S100B: variants seen among roughly 807,000 people sequenced by gnomAD.
S100B encodes protein S100-B.
A neutral mutation model predicts 7.7 loss-of-function variants in S100B; 6 were observed. That is an observed-to-expected ratio of 0.78 (90% CI 0.43 to 1.54). The LOEUF is 1.54. Among genes scored for constraint, S100B ranks in the 40% most tolerant of loss-of-function variants. The pLI, the probability that S100B is intolerant of heterozygous loss-of-function variation, is 0.01. For synonymous variants in S100B, 36 were observed against 40.4 expected, an observed-to-expected ratio of 0.89 and a Z score of 0.41; for missense variants, 99 against 111.8, an observed-to-expected ratio of 0.89 and a Z score of 0.52.
chr21:46,603,392 A>AGGG (rs1555923741), intron 1 of S100B, among the ~76,000 whole-genome samples: 3 of 38,230 alleles, frequency 7.8e-5, no homozygotes, highest in African/African-American at 1.0e-4. Context: ...GGACGGCGGG[A>AGGG]GGGGGTGGGG....
chr21:46,599,156 G>A lies in S100B; in HGVS notation c.*207C>T. ...CCTGGGGCCAGTCAGCTTACACACA[G>A]GCCTAATATAGCAGAAAGAATGATG... On this transcript the variant is annotated 3_prime_UTR_variant, in exon 3 of 3. Coordinates refer to ENST00000291700, the MANE Select transcript of S100B (RefSeq NM_006272.3). 1 of 588,696 alleles carries A rather than the reference G, an allele frequency of 1.7e-6. No homozygotes were observed. The allele number at this position is 588,696 out of a possible 1,614,324, so 36.5% of individuals were successfully genotyped here. A position where few individuals can be genotyped will look rare whatever the true frequency, so the allele number is the denominator to read the frequency against.
At chr21:46,604,540 T>C (rs1229786604) in intron 1 of S100B, among the ~76,000 whole-genome samples, 1 of 152,138 alleles carries the variant, frequency 6.6e-6, no homozygotes, top group Non-Finnish European at 1.5e-5. Context: ...CACTTCAAAC[T>C]GAGGGAAACT....
chr21:46,603,392 A>AGGGGTGGGGGGAGGGGGGGGTGGGGGG (rs1555923730), intron 1 of S100B, among the ~76,000 whole-genome samples: 1 of 38,206 alleles, frequency 2.6e-5, no homozygotes, highest in Non-Finnish European at 4.9e-5. Context: ...GGACGGCGGG[A>AGGGGTGGGGGGAGGGGGGGGTGGGGGG]GGGGGTGGGG....
rs370634505 is a variant in S100B at position 46,599,348 on chromosome 21, G to A, written c.*15C>T. ...ACCGTCTCTGTTACAGGAAAGGTTT[G>A]GCTGCTTTCTAATCTCACTCATGTT... On this transcript the variant is annotated 3_prime_UTR_variant, in exon 3 of 3. Transcript: ENST00000291700. 163 of 1,612,258 alleles carry A rather than the reference G, an allele frequency of 1.0e-4. No homozygotes were observed. The highest frequency in any genetic ancestry group is 1.4e-4 in the Non-Finnish European group (161 of 1,179,122).
intron 1 of S100B, chr21:46,602,974 A>G (rs2839357): frequency 0.098 from 14,938 of 152,430 alleles, 951 homozygotes; most frequent in East Asian, 0.33. Flanking sequence ...TATCCTATGC[A>G]TATAGCAATA....
At position 46,602,406 on chromosome 21, in the gene S100B, G is replaced by C; in HGVS notation, c.10C>G (p.Leu4Val). 1 of 1,613,516 alleles carries C rather than the reference G, an allele frequency of 6.2e-7. No homozygotes were observed. The highest frequency in any genetic ancestry group is 8.5e-7 in the Non-Finnish European group (1 of 1,179,832). Residue 4 changes from leucine to valine, a missense_variant, in exon 2 of 3, where the codon CTG (leucine) becomes GTG (valine). Leu to Val is a conservative substitution (Grantham distance 32, BLOSUM62 1). Coordinates refer to ENST00000291700, the MANE Select transcript of S100B (RefSeq NM_006272.3). MSE[L>V]EKAMVALIDV... is the part of the protein sequence containing the mutation. Reference sequence around the variant, plus strand: ...ATGAGGGCCACCATGGCCTTCTCCAGCTCAGACATCCTAGGGGCTCGCAAA... The same window carrying C: ...ATGAGGGCCACCATGGCCTTCTCCACCTCAGACATCCTAGGGGCTCGCAAA...
chr21:46,600,234 G>C, intron 2 of S100B: 1 of 320,138 alleles, frequency 3.1e-6, no homozygotes, highest in East Asian at 1.2e-4. Flanking sequence ...ATGTACAACA[G>C]CTGCCTTGGC....
intron 2 of S100B, chr21:46,600,399 T>C (rs776264173): frequency 4.5e-6 from 2 of 441,512 alleles, no homozygotes; most frequent in Non-Finnish European, 9.1e-6. Context: ...ATAAAACAAT[T>C]AGCTGGGCAT....
At chr21:46,603,395 GGGT>G (rs1569137671) in intron 1 of S100B, among the ~76,000 whole-genome samples, 6 of 140,150 alleles carry the variant, frequency 4.3e-5, no homozygotes, top group Non-Finnish European at 9.4e-5. Context: ...CGGCGGGAGG[GGGT>G]GGGGGCAGGA....
intron 2 of S100B, among the ~76,000 whole-genome samples, chr21:46,601,969 A>G (rs1569137346): frequency 6.6e-6 from 1 of 152,240 alleles, no homozygotes. Context: ...TATTTTTAAC[A>G]GTTTCCTTTT....
At chr21:46,602,179 A>G in intron 2 of S100B, 99 bp downstream of exon 2, 1 of 1,162,510 alleles carries the variant, frequency 8.6e-7, no homozygotes, top group Non-Finnish European at 1.2e-6. Flanking sequence ...TGGAAGGGAA[A>G]TGAAATCACC....
intron 2 of S100B, among the ~76,000 whole-genome samples, chr21:46,601,167 G>A (rs2300404): frequency 0.27 from 40,792 of 152,136 alleles, 6,178 homozygotes; most frequent in Middle Eastern, 0.35. Context: ...TGGAGCCAGG[G>A]CTTGCCGTCT....
At chr21:46,600,063 G>A (rs2061037241) in intron 2 of S100B, among the ~76,000 whole-genome samples, 1 of 152,216 alleles carries the variant, frequency 6.6e-6, no homozygotes, top group Admixed American at 6.5e-5. Flanking sequence ...CAAATGAATG[G>A]TGTGGCTGTT....
At chr21:46,600,217 A>C in intron 2 of S100B, 1 of 304,668 alleles carries the variant, frequency 3.3e-6, no homozygotes, top group South Asian at 2.5e-5. Context: ...TGAAGAAGTC[A>C]AGTGTAATGT....
Position 46,599,347 on chromosome 21 carries a change from T to G in S100B, c.*16A>C, listed in dbSNP as rs773432934. ...GACCGTCTCTGTTACAGGAAAGGTT[T>G]GGCTGCTTTCTAATCTCACTCATGT... On this transcript the variant is annotated 3_prime_UTR_variant, in exon 3 of 3. Coordinates refer to ENST00000291700, the MANE Select transcript of S100B (RefSeq NM_006272.3). The G allele has an allele frequency of 1.9e-6, 3 of 1,612,534 alleles. No individual in the cohort carries two copies. The highest frequency in any genetic ancestry group is 2.5e-6 in the Non-Finnish European group (3 of 1,179,314).
intron 1 of S100B, among the ~76,000 whole-genome samples, chr21:46,603,405 A>AGGGGGGGGGCGGGGGGGGG (rs1555923766): frequency 9.4e-6 from 1 of 106,136 alleles, no homozygotes; most frequent in Non-Finnish European, 2.0e-5. Context: ...GGGTGGGGGC[A>AGGGGGGGGGCGGGGGGGGG]GGAATAGGTG....
chr21:46,600,739 T>G (rs930633207), intron 2 of S100B, among the ~76,000 whole-genome samples: 4 of 152,188 alleles, frequency 2.6e-5, no homozygotes, highest in African/African-American at 9.7e-5. Flanking sequence ...CATGAATTAT[T>G]TATCATTTAC....
intron 2 of S100B, among the ~76,000 whole-genome samples, chr21:46,599,781 A>G (rs970753471): frequency 4.3e-4 from 23 of 52,942 alleles, no homozygotes; most frequent in African/African-American, 9.1e-4. Context: ...AAAATACCTG[A>G]AAAAAAAAAA....
intron 1 of S100B, among the ~76,000 whole-genome samples, chr21:46,604,374 G>A (rs2255688): frequency 0.34 from 51,237 of 152,008 alleles, 8,802 homozygotes; most frequent in Admixed American, 0.38. Flanking sequence ...GTTACCTAGC[G>A]TGTGAGGATC....
Sources: allele counts gnomAD v4.1 joint callset (sites outside exome capture counted in the v4.1 genomes callset), GRCh38; gene constraint gnomAD v4.1.1; transcripts MANE v1.5; gene names NCBI Gene and HGNC (gene_info 2026-07-23, HGNC 2026-07-21).